Variants in ZFYVE1 observed in about 807,000 individuals in gnomAD.
The protein encoded by ZFYVE1 is zinc finger FYVE domain-containing protein 1.
Under a neutral mutation model 74.4 loss-of-function variants are expected in ZFYVE1, and 30 were observed. The ratio of observed to expected loss-of-function variants is 0.40; its 90% CI spans 0.30 to 0.55. The LOEUF (loss-of-function observed/expected upper bound fraction) is 0.55. ZFYVE1 is among the 20% of genes least tolerant of loss of function. ZFYVE1 has a pLI of 0.42. For synonymous variants in ZFYVE1, 335 were observed against 385.1 expected (o/e 0.87, Z 1.52); for missense variants, 703 against 1,011.6 (o/e 0.69, Z 4.14).
chr14:72,977,152 A>T (rs1425458418), intron 8 of ZFYVE1, among the ~76,000 whole-genome samples: 1 of 152,218 alleles, frequency 6.6e-6, no homozygotes, highest in Non-Finnish European at 1.5e-5. Flanking sequence ...TCACGCCCAT[A>T]ATCCCAGCCC....
At chr14:73,018,804 C>G (rs1013798670) in intron 2 of ZFYVE1, among the ~76,000 whole-genome samples, 1 of 151,870 alleles carries the variant, frequency 6.6e-6, no homozygotes. Flanking sequence ...ACTAGCCAGG[C>G]GTGGTGGCGC....
In ZFYVE1 at chr14:72,970,933, G is replaced by A; in HGVS notation, c.2283C>T (p.Asp761=). 6.2e-7 allele frequency: 1 copy of A among 1,614,242 alleles called. No individual in the cohort carries two copies. The highest frequency in any genetic ancestry group is 8.5e-7 in the Non-Finnish European group (1 of 1,180,052). The part of the protein sequence containing the change: ...DRRAVPSRGW[D]HPVRVCFNCN... The stretch of plus-strand genomic sequence containing the variant: ...AGTTGAAGCAGACTCGGACGGGATG[G>A]TCCCAGCCACGAGAAGGAACAGCCC... The change falls in exon 12 of 12, where the codon GAC becomes GAT. Residue 761 remains aspartate, a synonymous_variant. Coordinates refer to ENST00000556143, the MANE Select transcript of ZFYVE1 (RefSeq NM_021260.4).
intron 5 of ZFYVE1, among the ~76,000 whole-genome samples, chr14:72,979,725 G>A (rs1241975811): frequency 6.6e-6 from 1 of 151,028 alleles, no homozygotes; most frequent in Non-Finnish European, 1.5e-5. Flanking sequence ...AGAAATGGAG[G>A]AGCCATAAGA....
chr14:72,988,931 T>TC (rs1178785236), intron 4 of ZFYVE1, among the ~76,000 whole-genome samples: 120 of 92,300 alleles, frequency 1.3e-3, no homozygotes, highest in African/African-American at 1.1e-3. Context: ...AATTTCTTCT[T>TC]TTTTTTTTTT....
At chr14:72,990,758 C>T (rs1174965999) in intron 4 of ZFYVE1, among the ~76,000 whole-genome samples, 10 of 115,292 alleles carry the variant, frequency 8.7e-5, no homozygotes, top group South Asian at 3.1e-4. Flanking sequence ...AGTACAGTGG[C>T]GCACTGTACT....
Position 72,981,905 on chromosome 14 carries a change from A to G in ZFYVE1, c.1204-10T>C, listed in dbSNP as rs369750550. The G allele has an allele frequency of 1.2e-6, 2 of 1,613,370 alleles. No homozygotes were observed. Among genetic ancestry groups the G allele is most frequent in the Non-Finnish European group, 1.7e-6 (2 of 1,179,834 alleles). ...AGCGGTCACTTAGTGCCTGCCAAGG[A>G]GGGAAGGTGACATATGATGGCACTC... On this transcript the variant is annotated splice_polypyrimidine_tract_variant and intron_variant, in intron 4 of 11. Coordinates refer to ENST00000556143, the MANE Select transcript of ZFYVE1 (RefSeq NM_021260.4).
chr14:72,978,897 G>GT lies in ZFYVE1; in HGVS notation c.1382dup (p.Tyr461Ter), dbSNP rs768911661. ...VPHEAKSRCR[Y>*]SHQYDNRVYT... ...ACACTCGGTTGTCATACTGGTGGGA[G>GT]TATCTGCAGCGGCTCTTGGCTTCAT... Residue 461 changes from tyrosine to a stop codon, truncating the protein, a stop_gained and frameshift_variant, in exon 6 of 12, where the codon TAC becomes TAAC. Coordinates refer to ENST00000556143, the MANE Select transcript of ZFYVE1 (RefSeq NM_021260.4). LOFTEE classifies it high-confidence loss of function. 2 of 1,614,162 alleles carry GT rather than the reference G, an allele frequency of 1.2e-6. No individual in the cohort carries two copies. Among genetic ancestry groups the GT allele is most frequent in the Non-Finnish European group, 1.7e-6 (2 of 1,179,992 alleles).
intron 2 of ZFYVE1, among the ~76,000 whole-genome samples, chr14:73,002,768 GTC>G (rs930162798): frequency 1.5e-5 from 2 of 134,642 alleles, no homozygotes; most frequent in Non-Finnish European, 3.2e-5. Flanking sequence ...CTGAGACAGA[GTC>G]TAGCTCTGTC....
chr14:72,978,319 G>T, intron 6 of ZFYVE1, 85 bp from the exon 7 acceptor site: 1 of 1,334,146 alleles, frequency 7.5e-7, no homozygotes, highest in Non-Finnish European at 1.1e-6. Context: ...GCCCAGGCTG[G>T]TTGTGAACTC....
chr14:73,020,845 G>A (rs1356094479), intron 2 of ZFYVE1, among the ~76,000 whole-genome samples: 1 of 152,110 alleles, frequency 6.6e-6, no homozygotes. Flanking sequence ...CGTGGTGGCA[G>A]GTGCCTGTAA....
chr14:72,976,473 TA>T (rs905483427), intron 8 of ZFYVE1, among the ~76,000 whole-genome samples: 1 of 151,796 alleles, frequency 6.6e-6, no homozygotes, highest in African/African-American at 2.4e-5. Context: ...GCCAGAAAAT[TA>T]GAAAAAGGAG....
intron 2 of ZFYVE1, among the ~76,000 whole-genome samples, chr14:73,008,912 C>T (rs1044790954): frequency 5.9e-5 from 9 of 152,136 alleles, no homozygotes; most frequent in African/African-American, 1.9e-4. Context: ...GGGCAACTGA[C>T]TCAACCCTTC....
In ZFYVE1 at chr14:72,981,822, T is replaced by C; in HGVS notation, c.1277A>G (p.Tyr426Cys). 1 of 1,614,020 alleles carries C rather than the reference T, an allele frequency of 6.2e-7. No individual in the cohort carries two copies. ...GAGGCACAAGGAGGAGCAGGTGAAA[T>C]ACTCATCTGGAAAAAAGGAGCTGTG... ...MAHSSFFPDE[Y>C]FTCSSLCLSC... is the part of the protein sequence containing the mutation. The change falls in exon 5 of 12, where the codon TAT (tyrosine) becomes TGT (cysteine). Residue 426 changes from tyrosine (Y) to cysteine (C), a missense_variant. Tyr to Cys is a radical substitution (Grantham distance 194, BLOSUM62 -2). Coordinates refer to ENST00000556143, the MANE Select transcript of ZFYVE1 (RefSeq NM_021260.4).
chr14:72,971,026 G>A lies in ZFYVE1; in HGVS notation c.2190C>T (p.Ile730=), dbSNP rs368062850. Residue 730 remains isoleucine, a synonymous_variant, in exon 12 of 12, where the codon ATC becomes ATT. Coordinates refer to ENST00000556143, the MANE Select transcript of ZFYVE1 (RefSeq NM_021260.4). ...HCHNCRKEFS[I]KLSKHHCRAC... ...CCCGGCAGTGGTGCTTGGAGAGCTT[G>A]ATGCTGAACTCCTTCCGGCAGTTGT... 6.2e-6 allele frequency: 10 copies of A among 1,614,100 alleles called. No individual in the cohort carries two copies. The Admixed American group carries it at 8.3e-5, about 13-fold the overall frequency.
rs532097351 is a variant in ZFYVE1 at position 72,980,052 on chromosome 14, C to G, written c.1311-1083G>C. ...TCCAACAGTGCTTAAGTCTCTTGTG[C>G]TGGGCTCATGGGGCATGCAAAAAGG... On this transcript the variant is annotated intron_variant, in intron 5 of 11. Transcript: ENST00000556143. Among the ~76,000 whole-genome samples, 8 of 152,320 alleles carry G rather than the reference C, an allele frequency of 5.3e-5. No homozygotes were observed. The East Asian group carries it at 1.5e-3, about 29-fold the overall frequency.
chr14:73,008,556 AC>A (rs1269725035), intron 2 of ZFYVE1, among the ~76,000 whole-genome samples: 2 of 152,178 alleles, frequency 1.3e-5, no homozygotes, highest in African/African-American at 4.8e-5. Flanking sequence ...CACATCCAAC[AC>A]ACCCAGTTCA....
chr14:73,013,842 G>C (rs1371450662), intron 2 of ZFYVE1, among the ~76,000 whole-genome samples: 1 of 152,020 alleles, frequency 6.6e-6, no homozygotes, highest in Non-Finnish European at 1.5e-5. Context: ...TCTAACCTCA[G>C]ATAGAAATGA....
intron 4 of ZFYVE1, among the ~76,000 whole-genome samples, chr14:72,988,893 C>T (rs1358016006): frequency 6.7e-6 from 1 of 148,934 alleles, no homozygotes; most frequent in Non-Finnish European, 1.5e-5. Flanking sequence ...TATATACATA[C>T]ACGCACATGC....
At chr14:72,991,410 C>G (rs572713718) in intron 4 of ZFYVE1, among the ~76,000 whole-genome samples, 2 of 152,008 alleles carry the variant, frequency 1.3e-5, no homozygotes, top group South Asian at 4.1e-4. Flanking sequence ...AGGATGGTCT[C>G]GATCTCCTGA....
Sources: allele counts gnomAD v4.1 joint callset (sites outside exome capture counted in the v4.1 genomes callset), GRCh38; gene constraint gnomAD v4.1.1; transcripts MANE v1.5; gene names NCBI Gene and HGNC (gene_info 2026-07-23, HGNC 2026-07-21).